Variants in OSBPL8 observed in about 807,000 individuals in gnomAD.
The protein encoded by OSBPL8 is oxysterol-binding protein-related protein 8.
In OSBPL8, 59 loss-of-function variants were observed where a neutral mutation model predicts 125.5. That is an observed-to-expected ratio of 0.47 (90% confidence interval 0.38 to 0.58). The LOEUF (loss-of-function observed/expected upper bound fraction) is 0.58, where lower values mean the gene tolerates loss of function less well. OSBPL8 is among the 20% of genes least tolerant of loss of function. The pLI is 0.00. For synonymous variants in OSBPL8, 330 were observed against 338.9 expected, an observed-to-expected ratio of 0.97 and a Z score of 0.29; for missense variants, 758 against 1,047.8, an observed-to-expected ratio of 0.72 and a Z score of 3.82.
At chr12:76,516,432 G>A (rs543272539) in intron 1 of OSBPL8, among the ~76,000 whole-genome samples, 5 of 152,156 alleles carry the variant, frequency 3.3e-5, no homozygotes, top group South Asian at 2.1e-4. Flanking sequence ...GTGCTTCCTC[G>A]TATTATAAGT....
At chr12:76,386,081 T>C (rs1268350482) in intron 14 of OSBPL8, 87 bp downstream of exon 14, 7 of 1,502,398 alleles carry the variant, frequency 4.7e-6, no homozygotes, top group Non-Finnish European at 4.4e-6. Flanking sequence ...GGCTAAATAA[T>C]ATTGAGTTTA....
intron 10 of OSBPL8, 52 bp from the exon 11 acceptor site, chr12:76,390,709 A>C: frequency 6.8e-6 from 7 of 1,028,172 alleles, no homozygotes; most frequent in Non-Finnish European, 1.0e-5. Context: ...AAGAATGCTC[A>C]ATTCATAAAT....
At chr12:76,436,335 A>G (rs1229476417) in intron 4 of OSBPL8, among the ~76,000 whole-genome samples, 1 of 152,152 alleles carries the variant, frequency 6.6e-6, no homozygotes, top group African/African-American at 2.4e-5. Context: ...AACTAACTTC[A>G]TGGTTCATTA....
At chr12:76,411,908 C>T (rs897415670) in intron 4 of OSBPL8, among the ~76,000 whole-genome samples, 1 of 152,132 alleles carries the variant, frequency 6.6e-6, no homozygotes. Context: ...AACTGAAACT[C>T]TGTTCACTAC....
rs559822137 is a variant in OSBPL8 at position 76,355,752 on chromosome 12, C to T, written c.*137G>A. The T allele has an allele frequency of 8.1e-5, 73 of 897,616 alleles. No individual in the cohort carries two copies. In the African/African-American group the frequency reaches 1.2e-3, roughly 14 times the overall value. The allele number at this position is 897,616 out of a possible 1,614,324, so 55.6% of individuals were successfully genotyped here. On this transcript the variant is annotated 3_prime_UTR_variant, in exon 24 of 24. Transcript: ENST00000261183. ...TGTGAAGATAAAAGATACGAAAAGTCAATACCTCTACATTTATCTCCTAGG... is the reference window on the plus strand; with the variant it reads ...TGTGAAGATAAAAGATACGAAAAGTTAATACCTCTACATTTATCTCCTAGG...
intron 4 of OSBPL8, among the ~76,000 whole-genome samples, chr12:76,445,321 T>C (rs1872616089): frequency 6.6e-6 from 1 of 152,070 alleles, no homozygotes; most frequent in Admixed American, 6.5e-5. Context: ...AACTTTAGAG[T>C]AGGCAAAACT....
At chr12:76,398,204 A>C (rs1953896307) in intron 7 of OSBPL8, among the ~76,000 whole-genome samples, 1 of 152,126 alleles carries the variant, frequency 6.6e-6, no homozygotes, top group African/African-American at 2.4e-5. Context: ...TAGTACTGAT[A>C]TTCTTCTTTT....
intron 1 of OSBPL8, among the ~76,000 whole-genome samples, chr12:76,504,146 A>C (rs1880182995): frequency 6.6e-6 from 1 of 150,822 alleles, no homozygotes. Flanking sequence ...CTGCCTTCAG[A>C]CTCAAGACTG....
intron 1 of OSBPL8, among the ~76,000 whole-genome samples, chr12:76,547,618 TA>T (rs1950816917): frequency 6.6e-6 from 1 of 152,130 alleles, no homozygotes; most frequent in Non-Finnish European, 1.5e-5. Context: ...CCAAAGTAGC[TA>T]TCACACATGA....
At chr12:76,482,649 A>G (rs1366230255) in intron 2 of OSBPL8, among the ~76,000 whole-genome samples, 3 of 152,164 alleles carry the variant, frequency 2.0e-5, no homozygotes, top group Non-Finnish European at 4.4e-5. Flanking sequence ...ACTATCCTTA[A>G]GTTGAGGAAC....
At chr12:76,367,162 G>A (rs1952447766) in intron 21 of OSBPL8, among the ~76,000 whole-genome samples, 1 of 151,626 alleles carries the variant, frequency 6.6e-6, no homozygotes, top group Admixed American at 6.6e-5. Context: ...TTCATCTATT[G>A]TTATAGAGCT....
chr12:76,473,806 T>A (rs1017947131), intron 2 of OSBPL8, among the ~76,000 whole-genome samples: 8 of 152,186 alleles, frequency 5.3e-5, no homozygotes, highest in African/African-American at 1.9e-4. Flanking sequence ...AGGAAAGTGA[T>A]TAAAGGTTCA....
Position 76,410,616 on chromosome 12 carries a change from TC to T in OSBPL8, c.235del (p.Glu79LysfsTer77). 1 of 1,606,778 alleles carries T rather than the reference TC, an allele frequency of 6.2e-7. No homozygotes were observed. The highest frequency in any genetic ancestry group is 1.1e-5 in the South Asian group (1 of 90,864). ...TTCATCTTTATTTTGAGAAATATCT[TC>T]CTTCCCTCTTTCAAAACCTTAAAAA... ...PHSQGFERGK[E>X]DISQNKDESS... is the part of the protein sequence containing the mutation. On this transcript the variant is annotated frameshift_variant, in exon 5 of 24. Coordinates refer to ENST00000261183, the MANE Select transcript of OSBPL8 (RefSeq NM_020841.5). LOFTEE classifies it high-confidence loss of function.
chr12:76,364,690 T>G (rs899613906), intron 21 of OSBPL8, among the ~76,000 whole-genome samples: 1 of 152,198 alleles, frequency 6.6e-6, no homozygotes, highest in African/African-American at 2.4e-5. Flanking sequence ...GATGTCTGGC[T>G]TGACATTTAG....
At chr12:76,471,794 T>C (rs977878270) in intron 2 of OSBPL8, among the ~76,000 whole-genome samples, 7 of 152,232 alleles carry the variant, frequency 4.6e-5, no homozygotes, top group Non-Finnish European at 8.8e-5. Flanking sequence ...TGAAAATGAC[T>C]TTCACTTCTT....
chr12:76,495,994 G>GTATCT (rs1168873817), intron 1 of OSBPL8, among the ~76,000 whole-genome samples: 3 of 151,508 alleles, frequency 2.0e-5, no homozygotes. Flanking sequence ...ACTTCCTGAA[G>GTATCT]TATCTTATCA....
At chr12:76,502,824 C>T (rs1018327502) in intron 1 of OSBPL8, among the ~76,000 whole-genome samples, 1 of 152,096 alleles carries the variant, frequency 6.6e-6, no homozygotes, top group African/African-American at 2.4e-5. Flanking sequence ...GCTACAATTA[C>T]GTGATCAGTT....
At chr12:76,392,802 T>C (rs1442282501) in intron 9 of OSBPL8, 50 bp from the exon 10 acceptor site, 5 of 1,512,000 alleles carry the variant, frequency 3.3e-6, no homozygotes, top group African/African-American at 1.4e-5. Flanking sequence ...ACTATGAAAC[T>C]AGCATGCATC....
At chr12:76,514,667 C>G (rs935509537) in intron 1 of OSBPL8, among the ~76,000 whole-genome samples, 1 of 152,064 alleles carries the variant, frequency 6.6e-6, no homozygotes, top group South Asian at 2.1e-4. Flanking sequence ...TTCAGGAGTT[C>G]TCTGCATTTC....
Sources: gnomAD v4.1 joint callset for allele counts (sites outside exome capture counted in the v4.1 genomes callset) on GRCh38, gnomAD v4.1.1 for gene constraint, MANE v1.5 for transcripts, NCBI Gene and HGNC (gene_info 2026-07-23, HGNC 2026-07-21) for gene names.